Variants in MYH3 observed in about 807,000 individuals in gnomAD.
The protein encoded by MYH3 is myosin heavy chain 3, also known as myosin-3.
MYH3 carries 130 observed loss-of-function variants against 238.0 expected under a neutral mutation model. The observed-to-expected ratio is 0.55, with a 90% CI of 0.47 to 0.63. MYH3 has a LOEUF of 0.63. MYH3 is among the 30% of genes least tolerant of loss of function. The pLI is 0.00. For synonymous variants in MYH3, 880 were observed against 924.1 expected (o/e 0.95, Z 0.86); for missense variants, 1,853 against 2,374.9 (o/e 0.78, Z 4.57).
At chr17:10,644,535 G>A in intron 13 of MYH3, 35 bp from the exon 14 acceptor site, 1 of 1,613,836 alleles carries the variant, frequency 6.2e-7, no homozygotes, top group Non-Finnish European at 8.5e-7. Context: ...GGATATGAAG[G>A]AAGTGGCCAG....
intron 2 of MYH3, among the ~76,000 whole-genome samples, chr17:10,655,511 A>G (rs2074419654): frequency 6.6e-6 from 1 of 152,196 alleles, no homozygotes; most frequent in Non-Finnish European, 1.5e-5. Flanking sequence ...ATATTTTTGA[A>G]CCATTTCAAT....
chr17:10,663,228 G>A, the MYH3 span, among the ~76,000 whole-genome samples: 1 of 152,194 alleles, frequency 6.6e-6, no homozygotes. Context: ...TCTTCGAGAA[G>A]GCGTTCACCT....
At chr17:10,635,319 C>T (rs767977035) in intron 30 of MYH3, 48 bp downstream of exon 30, 16 of 1,612,802 alleles carry the variant, frequency 9.9e-6, no homozygotes, top group Non-Finnish European at 1.3e-5. Flanking sequence ...ATAAATTCAT[C>T]GAATTCATTC....
At chr17:10,644,224 C>T in intron 14 of MYH3, 127 bp downstream of exon 14, 11 of 978,754 alleles carry the variant, frequency 1.1e-5, no homozygotes, top group Non-Finnish European at 1.6e-5. Context: ...TCTATTCCAT[C>T]CACTCTCCAT....
rs1283823422 is a variant in MYH3, at chr17:10,642,343, G to A, written c.1889-33C>T. 4.3e-6 allele frequency: 7 copies of A among 1,613,804 alleles called. No homozygotes were observed. Among genetic ancestry groups the A allele is most frequent in the African/African-American group, 1.3e-5 (1 of 75,014 alleles). On this transcript the variant is annotated intron_variant, in intron 16 of 40. Coordinates refer to ENST00000583535, the MANE Select transcript of MYH3 (RefSeq NM_002470.4). The surrounding 1 kb of genome is among the most constrained non-coding windows in gnomAD (Gnocchi z 5.4). ...CAATAAGGGAGGGCACGTGCTGTAG[G>A]TGAATCTAAAAGGTTTTTTGTTACT... is the stretch of plus-strand genomic sequence containing the variant.
chr17:10,631,667 C>T lies in MYH3; in HGVS notation c.5230G>A (p.Asp1744Asn), dbSNP rs992371150. The T allele has an allele frequency of 6.8e-6, 11 of 1,614,166 alleles. No homozygotes were observed. Among genetic ancestry groups the T allele is most frequent in the Non-Finnish European group, 8.5e-6 (10 of 1,180,022 alleles). ...DLMQLQSEVE[D>N]ASRDARNAEE... Reference sequence around the variant, plus strand: ...GCGTTCCTTGCATCCCTGCTGGCATCTTCTACCTCACTCTGGAGCTGCATG... The same window carrying T: ...GCGTTCCTTGCATCCCTGCTGGCATTTTCTACCTCACTCTGGAGCTGCATG... The change falls in exon 36 of 41, where the codon GAT (aspartate) becomes AAT (asparagine). Residue 1744 changes from aspartate (D) to asparagine (N), a missense_variant. Transcript: ENST00000583535.
chr17:10,639,962 G>C, intron 22 of MYH3, 34 bp downstream of exon 22: 1 of 1,548,880 alleles, frequency 6.5e-7, no homozygotes, highest in East Asian at 2.3e-5. Flanking sequence ...ATCTAGAAGA[G>C]TTAAAAAAAA....
chr17:10,631,710 C>A lies in MYH3; in HGVS notation c.5187G>T (p.Lys1729Asn). Residue 1729 changes from lysine (K) to asparagine (N), a missense_variant, in exon 36 of 41, where the codon AAG becomes AAT. Lys to Asn is a moderately conservative substitution (Grantham distance 94). This residue lies in a region of MYH3 where 1,044 missense variants were observed against 1,192.6 expected (regional missense o/e 0.88). Transcript: ENST00000583535. ...TQNTSLIHTK[K>N]KLETDLMQLQ... ...GCTGCATGAGGTCTGTCTCCAGCTT[C>A]TTCTTGGTGTGGATGAGGCTGGTGT... 1 of 1,614,194 alleles carries A rather than the reference C, an allele frequency of 6.2e-7. No individual in the cohort carries two copies. Among genetic ancestry groups the A allele is most frequent in the Non-Finnish European group, 8.5e-7 (1 of 1,180,046 alleles).
chr17:10,641,470 C>T (rs1597487329), intron 17 of MYH3, 98 bp from the exon 18 acceptor site: 4 of 833,736 alleles, frequency 4.8e-6, no homozygotes, highest in Non-Finnish European at 7.7e-6. Flanking sequence ...TAAAATTTAT[C>T]ATAAGTTCTA....
intron 10 of MYH3, among the ~76,000 whole-genome samples, chr17:10,646,284 C>G (rs2074320420): frequency 1.3e-5 from 2 of 152,168 alleles, no homozygotes; most frequent in Non-Finnish European, 2.9e-5. Context: ...CCTTGCCTTG[C>G]ACGCTAATGG....
chr17:10,652,310 G>C, intron 4 of MYH3, 110 bp downstream of exon 4: 1 of 1,344,076 alleles, frequency 7.4e-7, no homozygotes, highest in Non-Finnish European at 1.1e-6. Flanking sequence ...TCATCAGCTA[G>C]GCAAGCACTC....
intron 17 of MYH3, 131 bp from the exon 18 acceptor site, chr17:10,641,503 T>C: frequency 3.7e-6 from 2 of 542,988 alleles, no homozygotes; most frequent in South Asian, 2.1e-5. Context: ...ATGATTTAAC[T>C]CTGTCTTTTT....
In MYH3 at chr17:10,651,575, G is replaced by A. The variant is rs1349571031; in HGVS notation, c.442C>T (p.Arg148Cys). ...AAGATGTGGGGTGGGGCCTCCTGGC[G>A]CTTTTTGCCTCGGTAGCCTTCCACC... is the stretch of plus-strand genomic sequence containing the variant. ...EVVEGYRGKKRQEAPPHIFSI... is the reference protein window; with the variant it reads ...EVVEGYRGKKCQEAPPHIFSI... The change falls in exon 5 of 41, where the codon CGC becomes TGC. Residue 148 changes from arginine to cysteine, a missense_variant. Coordinates refer to ENST00000583535, the MANE Select transcript of MYH3 (RefSeq NM_002470.4). 10 of 1,614,002 alleles carry A rather than the reference G, an allele frequency of 6.2e-6. No individual in the cohort carries two copies. The highest frequency in any genetic ancestry group is 5.3e-5 in the African/African-American group (4 of 75,026).
At chr17:10,660,124 TC>T (rs758841878), upstream of MYH3, among the ~76,000 whole-genome samples, 9 of 152,212 alleles carry the variant, frequency 5.9e-5, no homozygotes, top group Non-Finnish European at 1.2e-4. Flanking sequence ...GCCTTCGTCT[TC>T]TCCTCTGTAA....
In MYH3 at chr17:10,639,155, C is replaced by T. The variant is rs142002449; in HGVS notation, c.3137G>A (p.Arg1046Gln). The change falls in exon 25 of 41, where the codon CGA becomes CAA. Residue 1046 changes from arginine to glutamine, a missense_variant. By Grantham distance (43) the Arg-to-Gln change is conservative. Coordinates refer to ENST00000583535, the MANE Select transcript of MYH3 (RefSeq NM_002470.4). ...CCTTTTGTTCCTTTCCAGGTCTACT[C>T]GGAGCTTCTTTTCTTGTTCTAGGGA... ...ESSLEQEKKL[R>Q]VDLERNKRKL... 3.5e-4 allele frequency: 559 copies of T among 1,614,080 alleles called. No homozygotes were observed. Among genetic ancestry groups the T allele is most frequent in the Middle Eastern group, 6.6e-4 (4 of 6,062 alleles).
At chr17:10,629,447 G>A (rs1257729708) in intron 40 of MYH3, 150 bp downstream of exon 40, 1 of 920,636 alleles carries the variant, frequency 1.1e-6, no homozygotes, top group Non-Finnish European at 1.6e-6. Flanking sequence ...GGATTCTAGC[G>A]AGGGTCCAGT....
chr17:10,658,265 C>G (rs2074453792), upstream of MYH3, among the ~76,000 whole-genome samples: 1 of 151,716 alleles, frequency 6.6e-6, no homozygotes, highest in South Asian at 2.1e-4. Flanking sequence ...CTTTTTTTTT[C>G]TTGACAAATC....
chr17:10,634,464 C>G (rs759054555), intron 31 of MYH3, among the ~76,000 whole-genome samples: 2 of 152,178 alleles, frequency 1.3e-5, no homozygotes, highest in Non-Finnish European at 2.9e-5. Flanking sequence ...CCCTGTACTT[C>G]TAAATATTTC....
chr17:10,634,744 G>C (rs571993654), intron 31 of MYH3, 96 bp downstream of exon 31: 1 of 1,476,092 alleles, frequency 6.8e-7, no homozygotes, highest in South Asian at 1.1e-5. Flanking sequence ...CTGCTGGTGA[G>C]GGCAGAGTCA....
Sources: gnomAD v4.1 joint callset for allele counts (sites outside exome capture counted in the v4.1 genomes callset) on GRCh38, gnomAD v4.1.1 for gene constraint, gnomAD v4.1.1 regional missense constraint, Gnocchi (gnomAD v3.1) non-coding constraint, MANE v1.5 for transcripts, NCBI Gene and HGNC (gene_info 2026-07-23, HGNC 2026-07-21) for gene names.